NUAK1: variants seen among roughly 807,000 people sequenced by gnomAD.
NUAK1 encodes NUAK family SNF1-like kinase 1.
A neutral mutation model predicts 56.9 loss-of-function variants in NUAK1; 26 were observed. That is an observed-to-expected ratio of 0.46 (90% CI 0.33 to 0.63). NUAK1 has a LOEUF of 0.63. Among genes scored for constraint, NUAK1 ranks in the 30% least tolerant of loss-of-function variants. The pLI, the probability that NUAK1 is intolerant of heterozygous loss-of-function variation, is 0.02. For synonymous variants in NUAK1, 337 were observed against 336.0 expected (o/e 1.00, Z -0.03); for missense variants, 727 against 876.1 (o/e 0.83, Z 2.15).
chr12:106,070,653 G>A, intron 6 of NUAK1, 121 bp downstream of exon 6: 1 of 1,308,176 alleles, frequency 7.6e-7, no homozygotes, highest in Non-Finnish European at 1.1e-6. Context: ...CTTCTGGGAA[G>A]AAGAAAGAGG....
chr12:106,124,124 G>C (rs1472074819), intron 1 of NUAK1, among the ~76,000 whole-genome samples: 2 of 152,150 alleles, frequency 1.3e-5, no homozygotes, highest in African/African-American at 4.8e-5. Context: ...GAAAGGAAGA[G>C]TTTTTGTTTT....
At chr12:106,084,094 G>A in intron 3 of NUAK1, 165 bp from the exon 4 acceptor site, 1 of 616,540 alleles carries the variant, frequency 1.6e-6, no homozygotes, top group Non-Finnish European at 2.9e-6. Flanking sequence ...TCACTGTCTT[G>A]ACGCTCCCCC....
chr12:106,126,513 G>T (rs2033026113), intron 1 of NUAK1, among the ~76,000 whole-genome samples: 1 of 152,186 alleles, frequency 6.6e-6, no homozygotes, highest in African/African-American at 2.4e-5. Context: ...GCAAAGTCAG[G>T]TGACAGCATC....
intron 2 of NUAK1, among the ~76,000 whole-genome samples, chr12:106,102,662 T>C: frequency 1.3e-5 from 2 of 152,296 alleles, no homozygotes; most frequent in Middle Eastern, 6.8e-3. Context: ...ATTATCTTTT[T>C]TGAGCTTACC....
intron 1 of NUAK1, among the ~76,000 whole-genome samples, chr12:106,128,267 G>A (rs2033044481): frequency 6.6e-6 from 1 of 151,918 alleles, no homozygotes; most frequent in South Asian, 2.1e-4. Flanking sequence ...GAGTAGTTGG[G>A]ATTACTGGTG....
At chr12:106,130,609 C>G (rs904359272) in intron 1 of NUAK1, among the ~76,000 whole-genome samples, 7 of 152,320 alleles carry the variant, frequency 4.6e-5, no homozygotes, top group Admixed American at 2.6e-4. Context: ...GGCTGCCAAG[C>G]AGGGATGTGC....
In NUAK1 at chr12:106,066,782, C is replaced by A; in HGVS notation, c.*20G>T. On this transcript the variant is annotated 3_prime_UTR_variant, in exon 7 of 7. Transcript: ENST00000261402. ...CCTTCCTCCCTCGTACCCCCGCCCG[C>A]CCCTGGGCGCCCTGGAATGCTAGTT... 3.8e-6 allele frequency: 6 copies of A among 1,587,740 alleles called. No individual in the cohort carries two copies. Among genetic ancestry groups the A allele is most frequent in the African/African-American group, 2.7e-5 (2 of 74,510 alleles).
At position 106,130,823 on chromosome 12, in the gene NUAK1, G is replaced by T. The variant is rs185157314; in HGVS notation, c.240+7591C>A. Among the ~76,000 whole-genome samples, 13 of 152,316 alleles carry T rather than the reference G, an allele frequency of 8.5e-5. No homozygotes were observed. The East Asian group carries it at 2.5e-3, about 29-fold the overall frequency. ...CAATCGCCCTGGCTGCATCTATTGT[G>T]TACCTACTGTGTGCCAGGCACCAGG... is the stretch of plus-strand genomic sequence containing the variant. On this transcript the variant is annotated intron_variant, in intron 1 of 6. Coordinates refer to ENST00000261402, the MANE Select transcript of NUAK1 (RefSeq NM_014840.3).
rs755915561 is a variant in NUAK1 at position 106,070,758 on chromosome 12, T to TCCACA, written c.832+11_832+15dup. On this transcript the variant is annotated intron_variant, in intron 6 of 6. Coordinates refer to ENST00000261402, the MANE Select transcript of NUAK1 (RefSeq NM_014840.3). ...TCTCCCCTCCACCTCTGACCCTCCCTCCACAGGGCACGCACCTGAGGGCTG... is the reference window on the plus strand; with the variant it reads ...TCTCCCCTCCACCTCTGACCCTCCCTCCACACCACAGGGCACGCACCTGAGGGCTG... 236 of 1,613,864 alleles carry TCCACA rather than the reference T, an allele frequency of 1.5e-4. No individual in the cohort carries two copies. The highest frequency in any genetic ancestry group is 1.9e-4 in the Non-Finnish European group (221 of 1,179,960).
At chr12:106,074,879 T>G (rs1290326266) in intron 4 of NUAK1, among the ~76,000 whole-genome samples, 1 of 152,178 alleles carries the variant, frequency 6.6e-6, no homozygotes, top group Non-Finnish European at 1.5e-5. Context: ...AATTCCACTT[T>G]CTTATCAAGG....
chr12:106,072,759 C>T lies in NUAK1; in HGVS notation c.664G>A (p.Glu222Lys). ...CGGTAAGGTCTCCCATTGACAATCT[C>T]AGGAGATGCATAGAGTGGACTCCCA... ...FCGSPLYASP[E>K]IVNGRPYRGP... is the part of the protein sequence containing the mutation. Residue 222 changes from glutamate (E) to lysine (K), a missense_variant, in exon 5 of 7, where the codon GAG becomes AAG. Coordinates refer to ENST00000261402, the MANE Select transcript of NUAK1 (RefSeq NM_014840.3). 1 of 1,614,034 alleles carries T rather than the reference C, an allele frequency of 6.2e-7. No homozygotes were observed. The highest frequency in any genetic ancestry group is 8.5e-7 in the Non-Finnish European group (1 of 1,179,954).
In NUAK1 at chr12:106,065,732, G is replaced by A. The variant is rs1064959; in HGVS notation, c.*1070C>T. 22,368 of 152,576 alleles carry A rather than the reference G, an allele frequency of 0.15. 1,990 individuals are homozygous for A. Among genetic ancestry groups the A allele is most frequent in the Admixed American group, 0.2 (3,099 of 15,298 alleles). The allele number at this position is 152,576 out of a possible 1,614,324, so 9.5% of individuals were successfully genotyped here. On this transcript the variant is annotated 3_prime_UTR_variant, in exon 7 of 7. Transcript: ENST00000261402. Reference sequence around the variant, plus strand: ...CTCTGGAGAATATGGACAGTATCACGTCCAACTCAAAGCATCCATGCAGGT... The same window carrying A: ...CTCTGGAGAATATGGACAGTATCACATCCAACTCAAAGCATCCATGCAGGT...
chr12:106,125,401 T>A (rs557703857), intron 1 of NUAK1, among the ~76,000 whole-genome samples: 1 of 152,200 alleles, frequency 6.6e-6, no homozygotes, highest in Admixed American at 6.5e-5. Flanking sequence ...GTGGTTGTAA[T>A]CATGAACCCT....
chr12:106,073,577 G>A (rs1313057847), intron 4 of NUAK1, among the ~76,000 whole-genome samples: 1 of 152,150 alleles, frequency 6.6e-6, no homozygotes, highest in Admixed American at 6.5e-5. Context: ...CAATCGAGAT[G>A]AGACCTTGGC....
At chr12:106,119,621 T>C (rs1382536534) in intron 1 of NUAK1, among the ~76,000 whole-genome samples, 1 of 152,210 alleles carries the variant, frequency 6.6e-6, no homozygotes, top group East Asian at 1.9e-4. Context: ...GACAACTCAC[T>C]TTCCCCTTAA....
intron 1 of NUAK1, among the ~76,000 whole-genome samples, chr12:106,114,546 C>A (rs1333208645): frequency 6.6e-6 from 1 of 152,168 alleles, no homozygotes; most frequent in African/African-American, 2.4e-5. Context: ...GATGTTAGAG[C>A]TGTAAGGACT....
At chr12:106,084,043 C>T (rs1190387688) in intron 3 of NUAK1, 114 bp from the exon 4 acceptor site, 12 of 905,624 alleles carry the variant, frequency 1.3e-5, no homozygotes, top group African/African-American at 3.3e-5. Flanking sequence ...TAAAGAAATG[C>T]ACCAGCCCGG....
chr12:106,108,698 A>AT (rs1247242011), intron 1 of NUAK1, among the ~76,000 whole-genome samples: 1 of 152,126 alleles, frequency 6.6e-6, no homozygotes, highest in African/African-American at 2.4e-5. Flanking sequence ...CACCCCTTTG[A>AT]TTATGCAGCA....
chr12:106,115,630 G>T (rs548442096), intron 1 of NUAK1, among the ~76,000 whole-genome samples: 7 of 152,282 alleles, frequency 4.6e-5, no homozygotes, highest in African/African-American at 1.7e-4. Context: ...AAGATCCATC[G>T]GGAGGCTTGT....
Sources: allele counts gnomAD v4.1 joint callset (sites outside exome capture counted in the v4.1 genomes callset), GRCh38; gene constraint gnomAD v4.1.1; transcripts MANE v1.5; gene names NCBI Gene and HGNC (gene_info 2026-07-23, HGNC 2026-07-21).